The following DNAH3 variants were observed in gnomAD, a reference collection of about 807,000 sequenced individuals.
The protein encoded by DNAH3 is dynein axonemal heavy chain 3.
DNAH3 carries 332 observed loss-of-function variants against 432.5 expected under a neutral mutation model. The ratio of observed to expected loss-of-function variants is 0.77; its 90% CI spans 0.70 to 0.84. DNAH3 has a LOEUF of 0.84. Among genes scored for constraint, DNAH3 ranks in the 40% least tolerant of loss-of-function variants. The pLI, the probability that DNAH3 is intolerant of heterozygous loss-of-function variation, is 0.00. For missense variants in DNAH3, 4,861 were observed against 5,114.0 expected (o/e 0.95, Z 1.51); for synonymous variants, 1,956 against 1,900.2 (o/e 1.03, Z -0.76).
intron 18 of DNAH3, among the ~76,000 whole-genome samples, chr16:21,097,076 G>A (rs992442278): frequency 3.9e-5 from 6 of 152,222 alleles, no homozygotes; most frequent in Admixed American, 2.0e-4. Context: ...CAGCACCATC[G>A]TGAAACTGCC....
At chr16:21,115,423 C>T (rs148564795) in intron 12 of DNAH3, among the ~76,000 whole-genome samples, 3,179 of 147,644 alleles carry the variant, frequency 0.022, 52 homozygotes, top group Non-Finnish European at 0.029. Context: ...AAAGACAAAA[C>T]GTGCCAGGCA....
chr16:21,130,303 CT>C (rs59707842), intron 7 of DNAH3, among the ~76,000 whole-genome samples: 35,999 of 133,282 alleles, frequency 0.27, 4,609 homozygotes, highest in African/African-American at 0.32. Flanking sequence ...AAGCCCTCCA[CT>C]TTTTTTTTTT....
Position 21,071,664 on chromosome 16 carries a change from G to A in DNAH3, c.3085-838C>T, listed in dbSNP as rs530745790. ...GCACTTTGGGAGGCTGAGGTAGGAG[G>A]ATCGCTTGAGTCCCAGAATTCAAGA... On this transcript the variant is annotated intron_variant, in intron 21 of 61. Transcript: ENST00000261383. Among the ~76,000 whole-genome samples the A allele has an allele frequency of 4.0e-4, 61 of 152,154 alleles. 1 individual carries two copies. In the South Asian group the frequency reaches 0.012, roughly 31 times the overall value.
rs559929873 is a variant in DNAH3, at chr16:21,137,112, T to A, written c.697-599A>T. On this transcript the variant is annotated intron_variant, in intron 5 of 61. Transcript: ENST00000261383. ...TCATGCCACTGCACTCCAGCCTGGGTGACCAATCGAGACTCTGTCTCAAAA... is the reference window on the plus strand; with the variant it reads ...TCATGCCACTGCACTCCAGCCTGGGAGACCAATCGAGACTCTGTCTCAAAA... 2.4e-3 allele frequency among the ~76,000 whole-genome samples: 360 copies of A among 152,008 alleles called. 2 individuals carry two copies. Among genetic ancestry groups the A allele is most frequent in the African/African-American group, 8.6e-3 (356 of 41,484 alleles).
rs766788056 is a variant in DNAH3 at position 21,039,963 on chromosome 16, T to A, written c.4639-20A>T. The A allele has an allele frequency of 6.3e-7, 1 of 1,596,852 alleles. No homozygotes were observed. Among genetic ancestry groups the A allele is most frequent in the African/African-American group, 1.3e-5 (1 of 74,310 alleles). On this transcript the variant is annotated intron_variant, in intron 32 of 61. Transcript: ENST00000261383. The stretch of plus-strand genomic sequence containing the variant: ...CAAGGCCTGGAAAAGAAACAACAAA[T>A]CAGAATCGGAACACGTGCAGTGAAT...
intron 5 of DNAH3, among the ~76,000 whole-genome samples, chr16:21,139,499 C>T (rs1279277566): frequency 6.6e-6 from 1 of 151,150 alleles, no homozygotes; most frequent in African/African-American, 2.4e-5. Context: ...TTTTTTGAGA[C>T]AAGGTCTCAC....
At chr16:21,098,756 C>T (rs761333598) in exon 17 of DNAH3, 5 of 1,608,424 alleles carry the variant, frequency 3.1e-6, no homozygotes, top group Non-Finnish European at 4.2e-6. Context: ...AGTCTCAACT[C>T]AAATTCTGAG....
intron 1 of DNAH3, among the ~76,000 whole-genome samples, chr16:21,152,597 G>A (rs185411656): frequency 3.3e-5 from 5 of 152,390 alleles, no homozygotes; most frequent in South Asian, 2.1e-4. Context: ...AGGTGTGGAG[G>A]GAGAGGCGCG....
chr16:20,987,977 C>T lies in DNAH3; in HGVS notation c.6690G>A (p.Trp2230Ter), dbSNP rs759814263. Reference sequence around the variant, plus strand: ...TCACATCAAACCCTTTCCCGAAGTGCCAGTCAACAATCGAACTGAAAATCT... The same window carrying T: ...TCACATCAAACCCTTTCCCGAAGTGTCAGTCAACAATCGAACTGAAAATCT... Residue 2230 changes from tryptophan to a stop codon, truncating the protein, a stop_gained, in exon 45 of 62, where the codon TGG becomes TGA. Coordinates refer to ENST00000261383, the Ensembl canonical transcript of DNAH3. LOFTEE classifies it high-confidence loss of function. 1 of 1,614,194 alleles carries T rather than the reference C, an allele frequency of 6.2e-7. No homozygotes were observed. The highest frequency in any genetic ancestry group is 2.2e-5 in the East Asian group (1 of 44,888).
intron 41 of DNAH3, among the ~76,000 whole-genome samples, chr16:21,012,756 C>T (rs547393997): frequency 6.6e-6 from 1 of 152,176 alleles, no homozygotes; most frequent in South Asian, 2.1e-4. Context: ...CAATAAAACA[C>T]TTTTTAATTT....
intron 41 of DNAH3, among the ~76,000 whole-genome samples, chr16:21,013,055 G>A (rs758237692): frequency 1.3e-5 from 2 of 151,982 alleles, no homozygotes; most frequent in Non-Finnish European, 2.9e-5. Context: ...GTGAGCCACC[G>A]TGCACAGCCA....
chr16:20,997,127 C>T (rs2086795024), intron 44 of DNAH3, 156 bp downstream of exon 44: 2 of 642,306 alleles, frequency 3.1e-6, no homozygotes, highest in Admixed American at 3.0e-5. Context: ...ACACAATTTC[C>T]AACATGAAGC....
chr16:20,937,065 T>C (rs1382088144), intron 59 of DNAH3, among the ~76,000 whole-genome samples: 1 of 152,286 alleles, frequency 6.6e-6, no homozygotes, highest in African/African-American at 2.4e-5. Context: ...TTATTTTTAA[T>C]GAGATCATAC....
intron 1 of DNAH3, among the ~76,000 whole-genome samples, chr16:21,146,764 TTTC>T (rs1280730382): frequency 1.2e-4 from 14 of 117,074 alleles, no homozygotes; most frequent in South Asian, 3.0e-4. Flanking sequence ...TTTTTCTTTC[TTTC>T]TTTTTTTTTT....
rs775493728 is a variant in DNAH3 at position 21,062,469 on chromosome 16, T to G, written c.3720+13A>C. On this transcript the variant is annotated intron_variant, in intron 25 of 61. Coordinates refer to ENST00000261383, the Ensembl canonical transcript of DNAH3. Reference sequence around the variant, plus strand: ...TATGGAGAAAAGAACCAAAAATGGGTAAGAGGAGTTACCTTGGCATTAGCT... The same window carrying G: ...TATGGAGAAAAGAACCAAAAATGGGGAAGAGGAGTTACCTTGGCATTAGCT... The G allele has an allele frequency of 6.2e-7, 1 of 1,612,942 alleles. No homozygotes were observed. The highest frequency in any genetic ancestry group is 1.3e-5 in the African/African-American group (1 of 75,002).
At chr16:21,012,619 G>A (rs938975752) in intron 41 of DNAH3, among the ~76,000 whole-genome samples, 1 of 152,140 alleles carries the variant, frequency 6.6e-6, no homozygotes, top group Non-Finnish European at 1.5e-5. Flanking sequence ...GGAATATAGT[G>A]AAACTGAATA....
intron 19 of DNAH3, among the ~76,000 whole-genome samples, chr16:21,085,272 G>A (rs974842647): frequency 6.6e-6 from 1 of 151,804 alleles, no homozygotes; most frequent in African/African-American, 2.4e-5. Flanking sequence ...AGCCAGGCAC[G>A]GTGGCTCATG....
exon 39 of DNAH3, chr16:21,024,604 T>C (rs748000685): frequency 6.2e-7 from 1 of 1,607,970 alleles, no homozygotes; most frequent in African/African-American, 1.3e-5. Flanking sequence ...ACCAATTCTT[T>C]GTGCTCCTTG....
intron 19 of DNAH3, among the ~76,000 whole-genome samples, chr16:21,085,724 G>A (rs2091347454): frequency 6.6e-6 from 1 of 151,938 alleles, no homozygotes; most frequent in Admixed American, 6.6e-5. Flanking sequence ...GGAGAACAAA[G>A]TGCTCCTTGT....
Sources: allele counts gnomAD v4.1 joint callset (sites outside exome capture counted in the v4.1 genomes callset), GRCh38; gene constraint gnomAD v4.1.1; transcripts MANE v1.5; gene names NCBI Gene and HGNC (gene_info 2026-07-23, HGNC 2026-07-21).